Variants in RBFOX1 observed in about 807,000 individuals in gnomAD.
RBFOX1 encodes RNA binding fox-1 homolog 1.
A neutral mutation model predicts 57.7 loss-of-function variants in RBFOX1; 8 were observed. That is an observed-to-expected ratio of 0.14 (90% confidence interval 0.08 to 0.25). RBFOX1 has a LOEUF of 0.25. Among genes scored for constraint, RBFOX1 ranks in the 10% least tolerant of loss-of-function variants. The pLI is 1.00. For synonymous variants in RBFOX1, 326 were observed against 222.4 expected (o/e 1.47, Z -4.15); for missense variants, 611 against 548.5 (o/e 1.11, Z -1.14).
chr16:6,452,387 C>G lies in RBFOX1; in HGVS notation c.-64+135330C>G, dbSNP rs554961210. The stretch of plus-strand genomic sequence containing the variant: ...CCCTGGCTCTCTTCTTTCCATGTCT[C>G]TTTTCCTTCCATAACTCTCTTCCTT... On this transcript the variant is annotated intron_variant, in intron 2 of 15. Transcript: ENST00000550418. Among the ~76,000 whole-genome samples the G allele has an allele frequency of 5.3e-5, 8 of 151,802 alleles. No individual in the cohort carries two copies. In the South Asian group the frequency reaches 1.3e-3, roughly 24 times the overall value.
chr16:6,612,565 G>C (rs936949368), intron 2 of RBFOX1, among the ~76,000 whole-genome samples: 4 of 152,034 alleles, frequency 2.6e-5, no homozygotes, highest in Admixed American at 2.0e-4. Flanking sequence ...AAAAACATTT[G>C]TTTGGCCCGG....
intron 3 of RBFOX1, among the ~76,000 whole-genome samples, chr16:6,903,304 G>C: frequency 6.6e-6 from 1 of 152,144 alleles, no homozygotes; most frequent in African/African-American, 2.4e-5. Flanking sequence ...TCCTAGAGAG[G>C]TCAGCAGCCC....
intron 1 of RBFOX1, among the ~76,000 whole-genome samples, chr16:6,121,403 A>G (rs949445545): frequency 2.0e-5 from 3 of 152,138 alleles, no homozygotes; most frequent in African/African-American, 7.2e-5. Context: ...ACCTTTGGAG[A>G]AACACCAGGG....
At chr16:7,692,948 C>A (rs720850) in intron 14 of RBFOX1, among the ~76,000 whole-genome samples, 1 of 151,610 alleles carries the variant, frequency 6.6e-6, no homozygotes, top group African/African-American at 2.4e-5. Context: ...CTGTAGTATA[C>A]CCTATTTCTT....
chr16:6,380,642 TCCTCTGA>T lies in RBFOX1; in HGVS notation c.-64+63587_-64+63593del, dbSNP rs1192948412. Among the ~76,000 whole-genome samples the T allele has an allele frequency of 3.9e-5, 6 of 152,170 alleles. No individual in the cohort carries two copies. The East Asian group carries it at 1.2e-3, about 29-fold the overall frequency. ...ATATGTCTTTTGTTTTTTCTTCTTTTCCTCTGACATGCATTGCTATCATGAGTGTCCT... is the reference window on the plus strand; with the variant it reads ...ATATGTCTTTTGTTTTTTCTTCTTTTCATGCATTGCTATCATGAGTGTCCT... On this transcript the variant is annotated intron_variant, in intron 2 of 15. Transcript: ENST00000550418.
chr16:5,289,141 A>G (rs1434907489), intron 1 of RBFOX1: 2 of 231,878 alleles, frequency 8.6e-6, no homozygotes, highest in African/African-American at 4.6e-5. Flanking sequence ...CAAAAAAAAC[A>G]CACAACAATA....
At chr16:6,631,747 C>G (rs937529709) in intron 2 of RBFOX1, among the ~76,000 whole-genome samples, 2 of 152,070 alleles carry the variant, frequency 1.3e-5, no homozygotes, top group African/African-American at 2.4e-5. Flanking sequence ...GGTGTCTGAA[C>G]TGACCTTGGG....
At chr16:6,046,297 G>A (rs1429890088) in intron 1 of RBFOX1, among the ~76,000 whole-genome samples, 1 of 152,186 alleles carries the variant, frequency 6.6e-6, no homozygotes, top group Non-Finnish European at 1.5e-5. Context: ...CAGATAGGGG[G>A]ATGAGGAAAA....
intron 1 of RBFOX1, among the ~76,000 whole-genome samples, chr16:5,263,894 T>C (rs2062796526): frequency 6.6e-6 from 1 of 151,986 alleles, no homozygotes; most frequent in Non-Finnish European, 1.5e-5. Flanking sequence ...TACCATAGAG[T>C]TGGATGGTGA....
At chr16:7,141,270 C>T (rs2073707156) in intron 4 of RBFOX1, among the ~76,000 whole-genome samples, 1 of 152,140 alleles carries the variant, frequency 6.6e-6, no homozygotes, top group African/African-American at 2.4e-5. Context: ...AAGTTCAGGG[C>T]ATCTATTCAC....
At chr16:7,390,994 G>T (rs923807173) in intron 4 of RBFOX1, among the ~76,000 whole-genome samples, 1 of 152,046 alleles carries the variant, frequency 6.6e-6, no homozygotes, top group Non-Finnish European at 1.5e-5. Flanking sequence ...GAGGGTGTGG[G>T]GTCTTCCTTG....
chr16:6,856,895 A>C (rs1169743018), intron 3 of RBFOX1, among the ~76,000 whole-genome samples: 1 of 152,150 alleles, frequency 6.6e-6, no homozygotes, highest in Non-Finnish European at 1.5e-5. Context: ...TGTTAGAGAC[A>C]GAGAAAGGGA....
At chr16:5,977,405 A>T (rs1192507527) in intron 4 of RBFOX1, among the ~76,000 whole-genome samples, 1 of 152,052 alleles carries the variant, frequency 6.6e-6, no homozygotes, top group Non-Finnish European at 1.5e-5. Context: ...ATGTGTCCCT[A>T]CGATCCCTGG....
intron 3 of RBFOX1, among the ~76,000 whole-genome samples, chr16:6,668,744 A>C (rs7193153): frequency 0.62 from 93,578 of 152,002 alleles, 29,214 homozygotes; most frequent in African/African-American, 0.69. Context: ...TGGGGCTGAA[A>C]TGCTTACATT....
intron 1 of RBFOX1, among the ~76,000 whole-genome samples, chr16:6,167,242 G>A (rs2096924792): frequency 6.6e-6 from 1 of 152,236 alleles, no homozygotes; most frequent in South Asian, 2.1e-4. Context: ...GTCTCTGCAA[G>A]TTTGCCGAAG....
chr16:6,727,255 G>C (rs1175251735), intron 3 of RBFOX1, among the ~76,000 whole-genome samples: 2 of 151,942 alleles, frequency 1.3e-5, no homozygotes, highest in East Asian at 3.9e-4. Context: ...ACTTCTAAAA[G>C]GTAATAATAG....
intron 1 of RBFOX1, among the ~76,000 whole-genome samples, chr16:6,104,148 C>G (rs548718123): frequency 6.6e-6 from 1 of 152,098 alleles, no homozygotes; most frequent in East Asian, 1.9e-4. Context: ...CACACACACA[C>G]ACACACACAC....
At chr16:6,648,048 GC>G (rs999200985) in intron 2 of RBFOX1, among the ~76,000 whole-genome samples, 8 of 151,942 alleles carry the variant, frequency 5.3e-5, no homozygotes, top group African/African-American at 1.9e-4. Context: ...TCATTTTCTT[GC>G]CCAGACAGGT....
intron 1 of RBFOX1, among the ~76,000 whole-genome samples, chr16:6,230,052 A>G (rs2097447116): frequency 6.6e-6 from 1 of 152,190 alleles, no homozygotes; most frequent in African/African-American, 2.4e-5. Flanking sequence ...CTACACTTAC[A>G]TGATGGAAAT....
Sources: allele counts gnomAD v4.1 joint callset (sites outside exome capture counted in the v4.1 genomes callset), GRCh38; gene constraint gnomAD v4.1.1; transcripts MANE v1.5; gene names NCBI Gene and HGNC (gene_info 2026-07-23, HGNC 2026-07-21).